The following PRKCA variants were observed in gnomAD, a reference collection of about 807,000 sequenced individuals.
PRKCA encodes protein kinase C alpha type.
A neutral mutation model predicts 87.0 loss-of-function variants in PRKCA; 27 were observed. The observed-to-expected ratio is 0.31, with a 90% CI of 0.23 to 0.43. The LOEUF (loss-of-function observed/expected upper bound fraction) is 0.43. PRKCA is among the 20% of genes least tolerant of loss of function. The pLI is 1.00. For missense variants in PRKCA, 518 were observed against 852.3 expected (o/e 0.61, Z 4.88); for synonymous variants, 329 against 311.1 (o/e 1.06, Z -0.61).
At chr17:66,413,500 T>C (rs1434148054) in intron 2 of PRKCA, among the ~76,000 whole-genome samples, 1 of 152,034 alleles carries the variant, frequency 6.6e-6, no homozygotes. Context: ...GAGGGTGGGG[T>C]TGAGAGTTTC....
intron 2 of PRKCA, among the ~76,000 whole-genome samples, chr17:66,442,170 T>A (rs1476587358): frequency 1.3e-5 from 2 of 151,924 alleles, no homozygotes; most frequent in Non-Finnish European, 2.9e-5. Context: ...CAAGCGATTC[T>A]CCTGCCTCAG....
At chr17:66,403,007 A>G (rs1418821896) in intron 2 of PRKCA, among the ~76,000 whole-genome samples, 1 of 152,134 alleles carries the variant, frequency 6.6e-6, no homozygotes, top group Non-Finnish European at 1.5e-5. Context: ...TTTTAGTCAC[A>G]TTTATTGATT....
intron 8 of PRKCA, among the ~76,000 whole-genome samples, chr17:66,704,447 G>T (rs1381831427): frequency 6.6e-6 from 1 of 152,134 alleles, no homozygotes; most frequent in East Asian, 1.9e-4. Context: ...AACACATGGA[G>T]CAAAAAAATA....
At chr17:66,317,719 G>C (rs1905395911) in intron 2 of PRKCA, among the ~76,000 whole-genome samples, 1 of 152,254 alleles carries the variant, frequency 6.6e-6, no homozygotes, top group Non-Finnish European at 1.5e-5. Flanking sequence ...AGAAAGCTTG[G>C]CTCACAGTTG....
Position 66,349,246 on chromosome 17 carries a change from TA to T in PRKCA, c.205+43122del, listed in dbSNP as rs1279224215. Among the ~76,000 whole-genome samples, 7 of 152,264 alleles carry T rather than the reference TA, an allele frequency of 4.6e-5. No individual in the cohort carries two copies. The East Asian group carries it at 1.2e-3, about 25-fold the overall frequency. ...AAATAGTTTATTTTTGCTTTCCATGTAAAGTTTGGCAGTAAAGTTTTTGTCT... is the reference window on the plus strand; with the variant it reads ...AAATAGTTTATTTTTGCTTTCCATGTAAGTTTGGCAGTAAAGTTTTTGTCT... On this transcript the variant is annotated intron_variant, in intron 2 of 16. Transcript: ENST00000413366.
chr17:66,473,722 G>A (rs1438735709), intron 2 of PRKCA, among the ~76,000 whole-genome samples: 1 of 152,084 alleles, frequency 6.6e-6, no homozygotes, highest in African/African-American at 2.4e-5. Context: ...ATCACCTGAG[G>A]TCAGGAGTTC....
chr17:66,605,650 G>A (rs1002414798), intron 3 of PRKCA, among the ~76,000 whole-genome samples: 2 of 152,184 alleles, frequency 1.3e-5, no homozygotes, highest in Non-Finnish European at 2.9e-5. Context: ...TACAAGAAGG[G>A]TCATAGCAGC....
At chr17:66,555,295 G>A (rs537838166) in intron 3 of PRKCA, among the ~76,000 whole-genome samples, 1 of 152,308 alleles carries the variant, frequency 6.6e-6, no homozygotes. Context: ...GTTGCGTGTG[G>A]CAGATGGAGT....
chr17:66,650,597 A>G (rs1256221094), intron 5 of PRKCA, among the ~76,000 whole-genome samples: 1 of 152,148 alleles, frequency 6.6e-6, no homozygotes, highest in African/African-American at 2.4e-5. Flanking sequence ...TGAGTTTGTT[A>G]ATTTGGTGTG....
In PRKCA at chr17:66,352,669, T is replaced by G. The variant is rs1907819577; in HGVS notation, c.205+46542T>G. The stretch of plus-strand genomic sequence containing the variant: ...ACCTCCGTCTCCTGGGTTCAAGTGA[T>G]TCTCCTGCCTCAGCCTCCCGAGTAG... On this transcript the variant is annotated intron_variant, in intron 2 of 16. Transcript: ENST00000413366. Among the ~76,000 whole-genome samples, 3 of 147,488 alleles carry G rather than the reference T, an allele frequency of 2.0e-5. No homozygotes were observed. The South Asian group carries it at 6.5e-4, about 32-fold the overall frequency.
intron 3 of PRKCA, among the ~76,000 whole-genome samples, chr17:66,584,313 C>G (rs1282398529): frequency 6.6e-6 from 1 of 152,148 alleles, no homozygotes; most frequent in Non-Finnish European, 1.5e-5. Context: ...CCTCCGCCTC[C>G]TGGTTTCAAG....
At chr17:66,361,780 TGTA>T (rs761717308) in intron 2 of PRKCA, among the ~76,000 whole-genome samples, 13 of 152,364 alleles carry the variant, frequency 8.5e-5, no homozygotes, top group Non-Finnish European at 1.9e-4. Flanking sequence ...CTTGTCCTAA[TGTA>T]GTAATATAGA....
At chr17:66,320,488 C>CTAAA (rs1905592702) in intron 2 of PRKCA, among the ~76,000 whole-genome samples, 1 of 151,980 alleles carries the variant, frequency 6.6e-6, no homozygotes, top group East Asian at 1.9e-4. Flanking sequence ...AAATATGCAT[C>CTAAA]TAAACTCTAG....
chr17:66,350,194 G>A (rs1907655097), intron 2 of PRKCA, among the ~76,000 whole-genome samples: 2 of 152,114 alleles, frequency 1.3e-5, no homozygotes, highest in Admixed American at 6.5e-5. Context: ...TTTTCCTTTG[G>A]AAACTGGCTT....
In PRKCA at chr17:66,808,060, G is replaced by C. The variant is rs1200874742; in HGVS notation, c.*4023G>C. 6.6e-6 allele frequency: 1 copy of C among 152,146 alleles called. No individual in the cohort carries two copies. The highest frequency in any genetic ancestry group is 6.6e-5 in the Admixed American group (1 of 15,262). 9.4% of individuals were successfully genotyped at this position (152,146 alleles called of 1,614,324 possible). A position where few individuals can be genotyped will look rare whatever the true frequency, so the allele number is the denominator to read the frequency against. On this transcript the variant is annotated 3_prime_UTR_variant, in exon 17 of 17. Coordinates refer to ENST00000413366, the MANE Select transcript of PRKCA (RefSeq NM_002737.3). ...CCAAATGCTAACAACATCCCCACCA[G>C]CTGCTAGAAGCCCCTTTCCCCTCCC... is the stretch of plus-strand genomic sequence containing the variant.
chr17:66,565,806 A>G (rs1968872757), intron 3 of PRKCA, among the ~76,000 whole-genome samples: 1 of 151,640 alleles, frequency 6.6e-6, no homozygotes, highest in African/African-American at 2.4e-5. Context: ...CCTGTTTACT[A>G]TTTTCCAAAA....
At chr17:66,387,373 G>T (rs1268917600) in intron 2 of PRKCA, among the ~76,000 whole-genome samples, 1 of 152,206 alleles carries the variant, frequency 6.6e-6, no homozygotes, top group Admixed American at 6.5e-5. Context: ...CATCCCCAGT[G>T]CAAAGGAAAA....
intron 3 of PRKCA, among the ~76,000 whole-genome samples, chr17:66,588,635 CTTTTTTTTTT>C (rs397856363): frequency 2.3e-4 from 9 of 39,108 alleles, no homozygotes; most frequent in South Asian, 1.4e-3. Context: ...TTTTGCTTTG[CTTTTTTTTTT>C]TTTTTTTTTT....
intron 2 of PRKCA, among the ~76,000 whole-genome samples, chr17:66,319,519 T>C (rs1905523104): frequency 6.6e-6 from 1 of 152,182 alleles, no homozygotes; most frequent in Non-Finnish European, 1.5e-5. Context: ...ATTCTAGGTA[T>C]TTTATCCTGA....
Sources: allele counts gnomAD v4.1 joint callset (sites outside exome capture counted in the v4.1 genomes callset), GRCh38; gene constraint gnomAD v4.1.1; transcripts MANE v1.5; gene names NCBI Gene and HGNC (gene_info 2026-07-23, HGNC 2026-07-21).